TSPAN7: variants seen among roughly 807,000 people sequenced by gnomAD.
TSPAN7 encodes the protein tetraspanin-7.
In TSPAN7, 1 loss-of-function variant was observed where a neutral mutation model predicts 17.6. The ratio of observed to expected loss-of-function variants is 0.06; its 90% CI spans 0.02 to 0.27. The LOEUF (loss-of-function observed/expected upper bound fraction) is 0.27, where lower values mean the gene tolerates loss of function less well. Ranked by LOEUF, TSPAN7 falls within the 10% of genes least tolerant of loss-of-function variation. TSPAN7 has a pLI of 1.00. For synonymous variants in TSPAN7, 78 were observed against 79.0 expected, an observed-to-expected ratio of 0.99 and a Z score of 0.07; for missense variants, 112 against 201.7, an observed-to-expected ratio of 0.56 and a Z score of 2.69.
At chrX:38,597,469 A>G (rs948150031) in intron 1 of TSPAN7, among the ~76,000 whole-genome samples, 1 of 111,283 alleles carries the variant, frequency 9.0e-6, no homozygotes, top group African/African-American at 3.3e-5. Context: ...TTACAGAGAA[A>G]ATTTGTGTAT....
intron 2 of TSPAN7, among the ~76,000 whole-genome samples, chrX:38,669,810 G>A (rs902687456): frequency 3.6e-5 from 4 of 112,221 alleles, no homozygotes; most frequent in Non-Finnish European, 7.5e-5. Flanking sequence ...TCAAACCTAG[G>A]AGGACTTCTG....
At chrX:38,628,759 C>T (rs976665767) in intron 1 of TSPAN7, among the ~76,000 whole-genome samples, 5 of 111,715 alleles carry the variant, frequency 4.5e-5, no homozygotes, top group African/African-American at 1.6e-4. Context: ...TCTCATTTCA[C>T]ATTTACCAGG....
chrX:38,584,402 G>T lies in TSPAN7; in HGVS notation c.81+22775G>T, dbSNP rs368101558. ...GCAATTGTGATTGGGATGAACTAAT[G>T]AAATTAGGGTGGGCCATTCTGCCAT... is the stretch of plus-strand genomic sequence containing the variant. On this transcript the variant is annotated intron_variant, in intron 1 of 7. Transcript: ENST00000378482. 2.2e-3 allele frequency among the ~76,000 whole-genome samples: 250 copies of T among 111,867 alleles called. 1 individual carries two copies. Among genetic ancestry groups the T allele is most frequent in the South Asian group, 0.013 (35 of 2,654 alleles).
At chrX:38,643,481 G>A (rs1234714021) in intron 1 of TSPAN7, among the ~76,000 whole-genome samples, 2 of 109,847 alleles carry the variant, frequency 1.8e-5, no homozygotes, top group Admixed American at 1.9e-4. Flanking sequence ...GAAGCTGGGT[G>A]TGACAGGAAA....
chrX:38,569,117 C>G (rs1424187491), intron 1 of TSPAN7, among the ~76,000 whole-genome samples: 3 of 110,725 alleles, frequency 2.7e-5, no homozygotes, highest in African/African-American at 9.9e-5. Flanking sequence ...TTTTTCTGTA[C>G]GTGTTTAAGA....
At chrX:38,635,800 G>T (rs1003018738) in intron 1 of TSPAN7, among the ~76,000 whole-genome samples, 3 of 111,405 alleles carry the variant, frequency 2.7e-5, no homozygotes, top group Non-Finnish European at 3.8e-5. Context: ...AAATTGCAGA[G>T]TAGGACTCAA....
chrX:38,627,297 T>C (rs192526078), intron 1 of TSPAN7, among the ~76,000 whole-genome samples: 100 of 111,193 alleles, frequency 9.0e-4, no homozygotes, highest in African/African-American at 3.0e-3. Flanking sequence ...GCCAGTGTGA[T>C]GGTTGGCTGG....
intron 6 of TSPAN7, among the ~76,000 whole-genome samples, chrX:38,681,771 A>G (rs2069893825): frequency 8.9e-6 from 1 of 112,126 alleles, no homozygotes; most frequent in Non-Finnish European, 1.9e-5. Flanking sequence ...AAGTTTGGCT[A>G]TTCGTAACAG....
chrX:38,676,291 G>A (rs1486759141), intron 5 of TSPAN7, among the ~76,000 whole-genome samples: 1 of 111,429 alleles, frequency 9.0e-6, no homozygotes, highest in East Asian at 2.8e-4. Context: ...TCTGCTAGGA[G>A]GGTGGCCTTT....
At chrX:38,658,579 C>T (rs928685764) in intron 1 of TSPAN7, among the ~76,000 whole-genome samples, 1 of 111,544 alleles carries the variant, frequency 9.0e-6, no homozygotes, top group African/African-American at 3.3e-5. Context: ...CTCTGTTTTG[C>T]GTCTCTTTGC....
At chrX:38,594,985 C>T (rs749391888) in intron 1 of TSPAN7, among the ~76,000 whole-genome samples, 63 of 111,281 alleles carry the variant, frequency 5.7e-4, no homozygotes, top group African/African-American at 1.9e-3. Flanking sequence ...CAGCTTGGTA[C>T]TCCATCATGT....
chrX:38,625,348 T>G (rs1261666944), intron 1 of TSPAN7, among the ~76,000 whole-genome samples: 1 of 111,686 alleles, frequency 9.0e-6, no homozygotes, highest in Non-Finnish European at 1.9e-5. Context: ...ATCTTCTTCC[T>G]AGGCACACAG....
intron 2 of TSPAN7, among the ~76,000 whole-genome samples, chrX:38,669,753 A>G (rs1317126353): frequency 8.9e-6 from 1 of 112,544 alleles, no homozygotes; most frequent in Non-Finnish European, 1.9e-5. Flanking sequence ...ATGGAAGCCC[A>G]GAGAGGCTGC....
At chrX:38,655,764 G>A (rs772981903) in intron 1 of TSPAN7, among the ~76,000 whole-genome samples, 18 of 111,621 alleles carry the variant, frequency 1.6e-4, no homozygotes, top group African/African-American at 5.5e-4. Context: ...TGACTTTTTT[G>A]CCATCTGAGT....
At chrX:38,618,217 A>C (rs1602101128) in intron 1 of TSPAN7, among the ~76,000 whole-genome samples, 1 of 112,018 alleles carries the variant, frequency 8.9e-6, no homozygotes, top group East Asian at 2.8e-4. Context: ...TAAGTTCACA[A>C]TCCATTGTAC....
intron 1 of TSPAN7, among the ~76,000 whole-genome samples, chrX:38,626,614 A>G (rs767404689): frequency 9.0e-6 from 1 of 111,315 alleles, no homozygotes; most frequent in East Asian, 2.8e-4. Flanking sequence ...TCTAGGTTCC[A>G]GAGAGGGCTG....
chrX:38,567,250 TA>T (rs1312690322), intron 1 of TSPAN7, among the ~76,000 whole-genome samples: 1 of 112,299 alleles, frequency 8.9e-6, no homozygotes, highest in Non-Finnish European at 1.9e-5. Flanking sequence ...CTGTAATTTA[TA>T]AAGGAAAGGG....
intron 1 of TSPAN7, chrX:38,566,408 G>C (rs1431096770): frequency 8.9e-6 from 7 of 783,832 alleles, no homozygotes; most frequent in Non-Finnish European, 1.1e-5. Flanking sequence ...CTTATAGTAG[G>C]TTTACTCACT....
chrX:38,600,234 G>T (rs180753355), intron 1 of TSPAN7, among the ~76,000 whole-genome samples: 153 of 111,631 alleles, frequency 1.4e-3, no homozygotes, highest in African/African-American at 4.8e-3. Context: ...TTGGTGATAT[G>T]TGACCGTTTT....
Sources: gnomAD v4.1 joint callset for allele counts (sites outside exome capture counted in the v4.1 genomes callset) on GRCh38, gnomAD v4.1.1 for gene constraint, MANE v1.5 for transcripts, NCBI Gene and HGNC (gene_info 2026-07-23, HGNC 2026-07-21) for gene names.